The following GHR variants were observed in gnomAD, a reference collection of about 807,000 sequenced individuals.
GHR encodes growth hormone receptor, also known as GH receptor.
A neutral mutation model predicts 67.1 loss-of-function variants in GHR; 35 were observed. The observed-to-expected ratio is 0.52, with a 90% CI of 0.40 to 0.69. GHR has a LOEUF of 0.69. Among genes scored for constraint, GHR ranks in the 30% least tolerant of loss-of-function variants. The probability of loss-of-function intolerance (pLI) is 0.00; values close to 1 mark genes in which losing one functional copy is unlikely to be tolerated. For synonymous variants in GHR, 272 were observed against 269.1 expected, an observed-to-expected ratio of 1.01 and a Z score of -0.10; for missense variants, 792 against 764.6, an observed-to-expected ratio of 1.04 and a Z score of -0.42.
At position 42,718,039 on chromosome 5, in the gene GHR, A is replaced by G. The variant is rs781359805; in HGVS notation, c.876-13A>G. The G allele has an allele frequency of 8.6e-6, 13 of 1,504,030 alleles. No homozygotes were observed. Among genetic ancestry groups the G allele is most frequent in the African/African-American group, 7.0e-5 (5 of 71,458 alleles). 93.2% of individuals were successfully genotyped at this position (1,504,030 alleles called of 1,614,324 possible). On this transcript the variant is annotated splice_polypyrimidine_tract_variant and intron_variant, in intron 8 of 9. Coordinates refer to ENST00000230882, the MANE Select transcript of GHR (RefSeq NM_000163.5). ...TTTAAGATGTCAAAACCAAAATTTT[A>G]TATGTTTTCAAGGATTAAAATGCTG...
At chr5:42,428,275 C>T (rs1416813600) in intron 1 of GHR, among the ~76,000 whole-genome samples, 1 of 152,238 alleles carries the variant, frequency 6.6e-6, no homozygotes, top group East Asian at 1.9e-4. Context: ...CCCTTTGCAG[C>T]CATGGCCTGA....
At chr5:42,594,539 T>C (rs1171026466) in intron 2 of GHR, among the ~76,000 whole-genome samples, 1 of 152,200 alleles carries the variant, frequency 6.6e-6, no homozygotes, top group Admixed American at 6.5e-5. Context: ...AGTGCTATGT[T>C]TAAAGCTGAC....
intron 1 of GHR, among the ~76,000 whole-genome samples, chr5:42,496,221 G>C (rs1276771421): frequency 6.6e-6 from 1 of 152,116 alleles, no homozygotes; most frequent in Non-Finnish European, 1.5e-5. Context: ...ATAGTACTTA[G>C]GCATTCAAAG....
In GHR at chr5:42,424,537, C is replaced by T; in HGVS notation, c.-12+582C>T. ...TGCGCGTTTGTGCGGGCCGCAGCCG[C>T]ACGTTGGCACCGATGGAACTGGGGT... On this transcript the variant is annotated intron_variant, in intron 1 of 9. Transcript: ENST00000230882. This position sits in a 1 kb window ranked among gnomAD's most constrained non-coding sequence, Gnocchi z 4.1. The T allele has an allele frequency of 6.6e-7, 1 of 1,515,740 alleles. No homozygotes were observed. Among genetic ancestry groups the T allele is most frequent in the Non-Finnish European group, 8.9e-7 (1 of 1,129,130 alleles). 93.9% of individuals were successfully genotyped at this position (1,515,740 alleles called of 1,614,324 possible).
chr5:42,437,487 A>G (rs1743376993), intron 1 of GHR, among the ~76,000 whole-genome samples: 1 of 152,030 alleles, frequency 6.6e-6, no homozygotes, highest in Non-Finnish European at 1.5e-5. Flanking sequence ...CAGTTCTGAG[A>G]AAATTTAAGT....
chr5:42,697,055 A>G (rs1417862453), intron 5 of GHR, among the ~76,000 whole-genome samples: 2 of 152,198 alleles, frequency 1.3e-5, no homozygotes, highest in East Asian at 3.8e-4. Flanking sequence ...GATCAAGGTA[A>G]AAGATTATGA....
chr5:42,562,842 G>T (rs1749692850), intron 1 of GHR, among the ~76,000 whole-genome samples: 1 of 151,826 alleles, frequency 6.6e-6, no homozygotes, highest in Non-Finnish European at 1.5e-5. Flanking sequence ...GTAGAGACGG[G>T]GTTTCACCAT....
At chr5:42,541,877 G>T (rs35525634) in intron 1 of GHR, among the ~76,000 whole-genome samples, 24,946 of 152,088 alleles carry the variant, frequency 0.16, 2,341 homozygotes, top group Non-Finnish European at 0.19. Context: ...CTACACTCTT[G>T]AATGAATAGA....
chr5:42,448,429 T>G (rs908333327), intron 1 of GHR, among the ~76,000 whole-genome samples: 6 of 152,080 alleles, frequency 3.9e-5, no homozygotes, highest in Non-Finnish European at 7.4e-5. Context: ...TTTGCCCACT[T>G]TTTGATGGGA....
rs367635428 is a variant in GHR, at chr5:42,663,442, T to A, written c.137-25448T>A. ...CTGGGATGCAAGGCTGGTTCAATATTTGCAAATCAATAAATGTAATCCAGC... is the reference window on the plus strand; with the variant it reads ...CTGGGATGCAAGGCTGGTTCAATATATGCAAATCAATAAATGTAATCCAGC... On this transcript the variant is annotated intron_variant, in intron 3 of 9. Coordinates refer to ENST00000230882, the MANE Select transcript of GHR (RefSeq NM_000163.5). Among the ~76,000 whole-genome samples the A allele has an allele frequency of 3.7e-4, 56 of 151,834 alleles. 5 individuals are homozygous for A. The highest frequency in any genetic ancestry group is 1.2e-3 in the African/African-American group (48 of 41,410).
At chr5:42,645,601 G>C (rs1754690517) in intron 3 of GHR, among the ~76,000 whole-genome samples, 1 of 152,148 alleles carries the variant, frequency 6.6e-6, no homozygotes, top group African/African-American at 2.4e-5. Flanking sequence ...TCAAGCTTGT[G>C]TATACAGGCC....
chr5:42,692,680 G>C (rs1217019275), intron 4 of GHR, among the ~76,000 whole-genome samples: 1 of 151,992 alleles, frequency 6.6e-6, no homozygotes, highest in Admixed American at 6.6e-5. Context: ...ATCTAAACAG[G>C]GTTTTTTAAA....
chr5:42,478,914 A>G (rs567263133), intron 1 of GHR, among the ~76,000 whole-genome samples: 26 of 152,166 alleles, frequency 1.7e-4, no homozygotes, highest in Admixed American at 5.9e-4. Context: ...AGAACTTCCA[A>G]CACTATGTTG....
At chr5:42,699,334 A>ACTCT (rs146476592) in intron 5 of GHR, among the ~76,000 whole-genome samples, 1 of 30,668 alleles carries the variant, frequency 3.3e-5, no homozygotes, top group South Asian at 1.9e-3. Flanking sequence ...GGCAAAGATG[A>ACTCT]GTCAGGGAAC....
intron 2 of GHR, among the ~76,000 whole-genome samples, chr5:42,576,637 T>C (rs1271345243): frequency 6.6e-6 from 1 of 152,236 alleles, no homozygotes; most frequent in Non-Finnish European, 1.5e-5. Context: ...AAGCTACAGA[T>C]AATTTTAATA....
intron 1 of GHR, among the ~76,000 whole-genome samples, chr5:42,487,639 T>C (rs1745938765): frequency 6.6e-6 from 1 of 152,218 alleles, no homozygotes; most frequent in South Asian, 2.1e-4. Flanking sequence ...GGGCCATATT[T>C]CTTCCTTATT....
At chr5:42,476,945 AT>A (rs1455626663) in intron 1 of GHR, among the ~76,000 whole-genome samples, 1 of 152,060 alleles carries the variant, frequency 6.6e-6, no homozygotes, top group African/African-American at 2.4e-5. Flanking sequence ...GGTTTGTTAC[AT>A]ATGTATACAT....
At chr5:42,510,351 A>C (rs1746958869) in intron 1 of GHR, among the ~76,000 whole-genome samples, 1 of 152,104 alleles carries the variant, frequency 6.6e-6, no homozygotes, top group South Asian at 2.1e-4. Flanking sequence ...ACAGTATATC[A>C]TCTCATGCAT....
At chr5:42,429,421 C>T (rs1667188926) in intron 1 of GHR, among the ~76,000 whole-genome samples, 1 of 152,042 alleles carries the variant, frequency 6.6e-6, no homozygotes, top group South Asian at 2.1e-4. Flanking sequence ...ACTGACTGTC[C>T]CTCCTAATGT....
Sources: allele counts gnomAD v4.1 joint callset (sites outside exome capture counted in the v4.1 genomes callset), GRCh38; gene constraint gnomAD v4.1.1; non-coding constraint Gnocchi (gnomAD v3.1); transcripts MANE v1.5; gene names NCBI Gene and HGNC (gene_info 2026-07-23, HGNC 2026-07-21).